The following FBXL20 variants were observed in gnomAD, a reference collection of about 807,000 sequenced individuals.
The protein encoded by FBXL20 is F-box/LRR-repeat protein 20.
Under a neutral mutation model 64.0 loss-of-function variants are expected in FBXL20, and 11 were observed. The observed-to-expected ratio is 0.17, with a 90% CI of 0.11 to 0.28. The LOEUF (loss-of-function observed/expected upper bound fraction) is 0.28. FBXL20 is among the 10% of genes least tolerant of loss of function. The pLI, the probability that FBXL20 is intolerant of heterozygous loss-of-function variation, is 1.00. For missense variants in FBXL20, 303 were observed against 526.2 expected (o/e 0.58, Z 4.15); for synonymous variants, 184 against 189.0 (o/e 0.97, Z 0.22).
chr17:39,278,582 G>A (rs2046920900), intron 9 of FBXL20, among the ~76,000 whole-genome samples: 1 of 125,722 alleles, frequency 8.0e-6, no homozygotes, highest in Non-Finnish European at 1.6e-5. Context: ...GAGTCTGGCT[G>A]TGTCGCCCAG....
At position 39,252,813 on chromosome 17, in the gene FBXL20, T is replaced by A. The variant is rs900749830; in HGVS notation, c.*8647A>T. 1 of 150,316 alleles carries A rather than the reference T, an allele frequency of 6.7e-6. No homozygotes were observed. The highest frequency in any genetic ancestry group is 2.4e-5 in the African/African-American group (1 of 40,902). The allele number at this position is 150,316 out of a possible 1,614,324, so 9.3% of individuals were successfully genotyped here. A position where few individuals can be genotyped will look rare whatever the true frequency, so the allele number is the denominator to read the frequency against. ...CCAAAGATTTTTAAAGCAAAAGGAATCCTCTACTGCCACCTCGGATTTTAT... is the reference window on the plus strand; with the variant it reads ...CCAAAGATTTTTAAAGCAAAAGGAAACCTCTACTGCCACCTCGGATTTTAT... On this transcript the variant is annotated 3_prime_UTR_variant, in exon 15 of 15. Coordinates refer to ENST00000264658, the MANE Select transcript of FBXL20 (RefSeq NM_032875.3).
At chr17:39,315,951 G>C (rs2047287362) in intron 2 of FBXL20, among the ~76,000 whole-genome samples, 1 of 151,920 alleles carries the variant, frequency 6.6e-6, no homozygotes, top group African/African-American at 2.4e-5. Flanking sequence ...AGATGGGCAA[G>C]GTGGCTCATG....
chr17:39,269,251 T>C (rs576490221), intron 11 of FBXL20, among the ~76,000 whole-genome samples: 6 of 152,068 alleles, frequency 3.9e-5, no homozygotes, highest in Non-Finnish European at 7.4e-5. Flanking sequence ...TGGAATGCAG[T>C]GGCATGATCT....
chr17:39,316,826 GA>G (rs945243500), intron 2 of FBXL20, among the ~76,000 whole-genome samples: 3 of 152,180 alleles, frequency 2.0e-5, no homozygotes, highest in African/African-American at 7.2e-5. Flanking sequence ...CGTCTCTACT[GA>G]AAATACTAAA....
At chr17:39,292,428 G>A (rs1284310261) in intron 6 of FBXL20, among the ~76,000 whole-genome samples, 1 of 141,220 alleles carries the variant, frequency 7.1e-6, no homozygotes, top group Non-Finnish European at 1.5e-5. Context: ...GGTTGCCCAG[G>A]CTTGAGTGCA....
intron 2 of FBXL20, among the ~76,000 whole-genome samples, chr17:39,336,202 A>G (rs1350823914): frequency 6.6e-6 from 1 of 152,220 alleles, no homozygotes; most frequent in East Asian, 1.9e-4. Context: ...CTTGGCTGTA[A>G]GCACTGCAAA....
At chr17:39,352,253 G>A (rs1056587760) in intron 1 of FBXL20, among the ~76,000 whole-genome samples, 4 of 152,228 alleles carry the variant, frequency 2.6e-5, no homozygotes, top group Non-Finnish European at 2.9e-5. Flanking sequence ...GAAAGAGCCA[G>A]GCACAGTGGT....
chr17:39,308,887 G>C (rs1462471753), intron 2 of FBXL20, among the ~76,000 whole-genome samples: 1 of 151,900 alleles, frequency 6.6e-6, no homozygotes, highest in Non-Finnish European at 1.5e-5. Flanking sequence ...TTTTTTAAAA[G>C]GTAGAGAGGA....
At chr17:39,332,420 G>A (rs1048312518) in intron 2 of FBXL20, among the ~76,000 whole-genome samples, 4 of 152,040 alleles carry the variant, frequency 2.6e-5, no homozygotes, top group Non-Finnish European at 5.9e-5. Context: ...CTTGCTCCTG[G>A]AGGAATTAAG....
chr17:39,341,142 A>C lies in FBXL20; in HGVS notation c.104+2038T>G, dbSNP rs375325940. Among the ~76,000 whole-genome samples, 122 of 152,172 alleles carry C rather than the reference A, an allele frequency of 8.0e-4. 1 individual carries two copies. Among genetic ancestry groups the C allele is most frequent in the African/African-American group, 2.9e-3 (119 of 41,540 alleles). On this transcript the variant is annotated intron_variant, in intron 2 of 14. Coordinates refer to ENST00000264658, the MANE Select transcript of FBXL20 (RefSeq NM_032875.3). ...AAGTATTAAGTGTTTTGTGGTGTCA[A>C]ATCTGTTTCCTTCCTTTCCAGGATA...
intron 10 of FBXL20, among the ~76,000 whole-genome samples, chr17:39,272,718 A>AAAAGAAAG (rs1555602652): frequency 1.6e-4 from 13 of 79,878 alleles, no homozygotes; most frequent in South Asian, 6.1e-4. Context: ...AAAAAAAAAA[A>AAAAGAAAG]AAAGAAAGAA....
chr17:39,325,051 T>C (rs1232425572), intron 2 of FBXL20, among the ~76,000 whole-genome samples: 1 of 151,984 alleles, frequency 6.6e-6, no homozygotes, highest in African/African-American at 2.4e-5. Flanking sequence ...CTACAAAAAA[T>C]ACAAAAATTA....
intron 6 of FBXL20, among the ~76,000 whole-genome samples, chr17:39,290,050 A>G (rs2047024891): frequency 6.8e-6 from 1 of 146,928 alleles, no homozygotes; most frequent in Non-Finnish European, 1.5e-5. Context: ...TTTCTCTATC[A>G]TTTACTTAAG....
intron 1 of FBXL20, among the ~76,000 whole-genome samples, chr17:39,365,638 CA>C (rs11305110): frequency 0.37 from 56,310 of 151,390 alleles, 13,173 homozygotes; most frequent in African/African-American, 0.66. Flanking sequence ...GCTCTCAGTC[CA>C]AAAATAGAGC....
At chr17:39,262,966 C>A (rs990064614) in intron 14 of FBXL20, among the ~76,000 whole-genome samples, 1 of 151,528 alleles carries the variant, frequency 6.6e-6, no homozygotes, top group Non-Finnish European at 1.5e-5. Context: ...CATGCCACTG[C>A]GCTCCAGCCT....
intron 11 of FBXL20, among the ~76,000 whole-genome samples, chr17:39,269,383 C>T (rs934984375): frequency 2.6e-5 from 4 of 151,512 alleles, no homozygotes; most frequent in Non-Finnish European, 5.9e-5. Context: ...TTAGTAGAGA[C>T]GGGGTTTCAC....
intron 14 of FBXL20, among the ~76,000 whole-genome samples, chr17:39,262,130 A>G (rs2046752198): frequency 6.6e-6 from 1 of 152,038 alleles, no homozygotes; most frequent in Non-Finnish European, 1.5e-5. Flanking sequence ...TGGTGAAGAA[A>G]AAAAATGGCT....
chr17:39,337,999 G>A (rs1423252915), intron 2 of FBXL20, among the ~76,000 whole-genome samples: 1 of 152,032 alleles, frequency 6.6e-6, no homozygotes, highest in Non-Finnish European at 1.5e-5. Context: ...GGGAAGTGAG[G>A]AGCCCCTCTG....
At chr17:39,367,823 GC>G (rs2047875747) in intron 1 of FBXL20, among the ~76,000 whole-genome samples, 2 of 151,864 alleles carry the variant, frequency 1.3e-5, no homozygotes, top group African/African-American at 4.8e-5. Flanking sequence ...GAGTGCACTG[GC>G]CCAATCTCAG....
Sources: allele counts gnomAD v4.1 joint callset (sites outside exome capture counted in the v4.1 genomes callset), GRCh38; gene constraint gnomAD v4.1.1; transcripts MANE v1.5; gene names NCBI Gene and HGNC (gene_info 2026-07-23, HGNC 2026-07-21).